The following CA10 variants were observed in gnomAD, a reference collection of about 807,000 sequenced individuals.
The protein encoded by CA10 is carbonic anhydrase-related protein 10.
CA10 carries 14 observed loss-of-function variants against 44.2 expected under a neutral mutation model. The observed-to-expected ratio is 0.32, with a 90% CI of 0.21 to 0.50. The LOEUF (loss-of-function observed/expected upper bound fraction) is 0.50. Among genes scored for constraint, CA10 ranks in the 20% least tolerant of loss-of-function variants. The probability of loss-of-function intolerance (pLI) is 0.99; values close to 1 mark genes in which losing one functional copy is unlikely to be tolerated. For synonymous variants in CA10, 159 were observed against 141.6 expected, an observed-to-expected ratio of 1.12 and a Z score of -0.87; for missense variants, 350 against 409.7, an observed-to-expected ratio of 0.85 and a Z score of 1.26.
chr17:51,957,705 A>G (rs1283857857), intron 2 of CA10, among the ~76,000 whole-genome samples: 1 of 152,120 alleles, frequency 6.6e-6, no homozygotes, highest in African/African-American at 2.4e-5. Flanking sequence ...CAAGAGAATA[A>G]AAACAAAATG....
chr17:51,654,839 A>T (rs7222226), intron 4 of CA10, among the ~76,000 whole-genome samples: 2,555 of 152,228 alleles, frequency 0.017, 34 homozygotes, highest in Non-Finnish European at 0.024. Flanking sequence ...TACAGGTGTG[A>T]GCCACTGCGC....
At chr17:52,035,846 T>C (rs931745911) in intron 2 of CA10, among the ~76,000 whole-genome samples, 4 of 152,182 alleles carry the variant, frequency 2.6e-5, no homozygotes, top group African/African-American at 9.6e-5. Flanking sequence ...CATGAAGGGG[T>C]CAGGGAAGTA....
At chr17:52,132,910 C>A (rs987082279) in intron 1 of CA10, among the ~76,000 whole-genome samples, 7 of 152,064 alleles carry the variant, frequency 4.6e-5, no homozygotes, top group Non-Finnish European at 1.0e-4. Context: ...AGCAAGGGTA[C>A]CTTGGAGCAG....
Position 52,092,849 on chromosome 17 carries a change from A to G in CA10, c.62-20456T>C, listed in dbSNP as rs966303227. Among the ~76,000 whole-genome samples the G allele has an allele frequency of 2.0e-5, 3 of 152,328 alleles. No homozygotes were observed. The East Asian group carries it at 5.8e-4, about 29-fold the overall frequency. ...CTGCTTTTTCCTTAGCTTCTGTAAG[A>G]TAATATGGCATTTGATTTCTATCTA... On this transcript the variant is annotated intron_variant, in intron 1 of 8. Coordinates refer to ENST00000451037, the MANE Select transcript of CA10 (RefSeq NM_020178.5).
At position 51,971,775 on chromosome 17, in the gene CA10, C is replaced by T. The variant is rs571308870; in HGVS notation, c.137-40643G>A. Among the ~76,000 whole-genome samples, 38 of 152,002 alleles carry T rather than the reference C, an allele frequency of 2.5e-4. No homozygotes were observed. The South Asian group carries it at 7.7e-3, about 31-fold the overall frequency. On this transcript the variant is annotated intron_variant, in intron 2 of 8. Transcript: ENST00000451037. ...TAATAAAAAGCTATTCTTACTTATA[C>T]ATAAAATAAAGATGCTAGAGATCTA...
intron 3 of CA10, among the ~76,000 whole-genome samples, chr17:51,770,439 A>G (rs916473723): frequency 2.6e-5 from 4 of 151,858 alleles, no homozygotes; most frequent in African/African-American, 7.3e-5. Flanking sequence ...GCACGAAATA[A>G]TACCACCATT....
chr17:51,739,403 A>G (rs1904369606), intron 4 of CA10, among the ~76,000 whole-genome samples: 1 of 152,066 alleles, frequency 6.6e-6, no homozygotes, highest in Admixed American at 6.6e-5. Flanking sequence ...ATTCCAGTTA[A>G]TGCCTGTCTT....
chr17:52,143,247 G>A (rs1989518535), intron 1 of CA10, among the ~76,000 whole-genome samples: 1 of 152,026 alleles, frequency 6.6e-6, no homozygotes, highest in South Asian at 2.1e-4. Flanking sequence ...TATATTTTAG[G>A]AGGATGTTGC....
intron 3 of CA10, among the ~76,000 whole-genome samples, chr17:51,790,996 C>T (rs1009250817): frequency 7.2e-5 from 11 of 152,172 alleles, no homozygotes; most frequent in Admixed American, 5.2e-4. Flanking sequence ...TTCCAGGCTT[C>T]CCCAGCTACA....
intron 1 of CA10, among the ~76,000 whole-genome samples, chr17:52,072,615 A>C (rs2143138728): frequency 6.7e-6 from 1 of 148,448 alleles, no homozygotes; most frequent in East Asian, 2.0e-4. Flanking sequence ...ATTTTAATTG[A>C]TGTTAAAGAG....
intron 4 of CA10, among the ~76,000 whole-genome samples, chr17:51,724,844 C>T (rs992711414): frequency 6.6e-6 from 1 of 152,274 alleles, no homozygotes; most frequent in Non-Finnish European, 1.5e-5. Context: ...TTCCCCAGGG[C>T]GCAGCACATT....
At chr17:51,839,059 G>A (rs1978298140) in intron 3 of CA10, among the ~76,000 whole-genome samples, 3 of 152,290 alleles carry the variant, frequency 2.0e-5, no homozygotes, top group African/African-American at 4.8e-5. Flanking sequence ...TACACAAAAT[G>A]TTTGCTGGAA....
intron 3 of CA10, among the ~76,000 whole-genome samples, chr17:51,840,284 C>G (rs866847622): frequency 1.4e-4 from 22 of 152,180 alleles, no homozygotes; most frequent in African/African-American, 5.3e-4. Context: ...GGCTTTACCA[C>G]AGAGCTCATG....
At chr17:51,736,042 C>A (rs528157698) in intron 4 of CA10, among the ~76,000 whole-genome samples, 5 of 152,254 alleles carry the variant, frequency 3.3e-5, no homozygotes, top group Non-Finnish European at 7.4e-5. Context: ...TCATATTGTA[C>A]AGTTTAAATT....
At chr17:51,721,829 G>T (rs1465927994) in intron 4 of CA10, among the ~76,000 whole-genome samples, 1 of 152,050 alleles carries the variant, frequency 6.6e-6, no homozygotes, top group African/African-American at 2.4e-5. Flanking sequence ...CATATTCCTC[G>T]CCCCTGCCCT....
chr17:52,058,835 C>A (rs1176544094), intron 2 of CA10, among the ~76,000 whole-genome samples: 3 of 152,004 alleles, frequency 2.0e-5, no homozygotes, highest in South Asian at 4.2e-4. Flanking sequence ...GTCTCACATG[C>A]CTTATTAGGC....
intron 4 of CA10, among the ~76,000 whole-genome samples, chr17:51,685,501 G>C (rs1346557276): frequency 1.3e-5 from 2 of 152,190 alleles, no homozygotes; most frequent in East Asian, 3.8e-4. Context: ...CTGCAAGAAG[G>C]ATTTCAAATC....
intron 2 of CA10, among the ~76,000 whole-genome samples, chr17:52,003,636 T>A (rs917071697): frequency 6.6e-6 from 1 of 151,952 alleles, no homozygotes; most frequent in Middle Eastern, 3.2e-3. Context: ...ATTTATCCAA[T>A]GATACTGGAG....
chr17:52,041,320 A>G (rs1986762958), intron 2 of CA10, among the ~76,000 whole-genome samples: 3 of 152,128 alleles, frequency 2.0e-5, no homozygotes, highest in African/African-American at 7.2e-5. Context: ...AACACAAATG[A>G]TACAATTAGA....
Sources: gnomAD v4.1 joint callset for allele counts (sites outside exome capture counted in the v4.1 genomes callset) on GRCh38, gnomAD v4.1.1 for gene constraint, MANE v1.5 for transcripts, NCBI Gene and HGNC (gene_info 2026-07-23, HGNC 2026-07-21) for gene names.